The following SNED1 variants were observed in gnomAD, a reference collection of about 807,000 sequenced individuals.
SNED1 encodes sushi, nidogen and EGF-like domain-containing protein 1.
Under a neutral mutation model 166.7 loss-of-function variants are expected in SNED1, and 81 were observed. The observed-to-expected ratio is 0.49, with a 90% CI of 0.41 to 0.58. The LOEUF (loss-of-function observed/expected upper bound fraction) is 0.58, where lower values mean the gene tolerates loss of function less well. SNED1 is among the 20% of genes least tolerant of loss of function. The pLI, the probability that SNED1 is intolerant of heterozygous loss-of-function variation, is 0.00. For synonymous variants in SNED1, 762 were observed against 822.0 expected, an observed-to-expected ratio of 0.93 and a Z score of 1.25; for missense variants, 1,604 against 2,000.2, an observed-to-expected ratio of 0.80 and a Z score of 3.78.
rs552459334 is a variant in SNED1, at chr2:241,013,621, G to A, written c.213+14571G>A. On this transcript the variant is annotated intron_variant, in intron 1 of 31. Transcript: ENST00000310397. This position sits in a 1 kb window ranked among gnomAD's most constrained non-coding sequence, Gnocchi z 4.6. ...TCCCAAAGTGCTGGGGGTTATAGGC[G>A]TGAACCACCACACCTGGCTGAGTTC... Among the ~76,000 whole-genome samples, 8 of 152,164 alleles carry A rather than the reference G, an allele frequency of 5.3e-5. No homozygotes were observed. The highest frequency in any genetic ancestry group is 1.0e-4 in the Non-Finnish European group (7 of 67,998).
chr2:241,082,433 C>T, intron 29 of SNED1, 69 bp downstream of exon 29: 1 of 1,207,646 alleles, frequency 8.3e-7, no homozygotes, highest in South Asian at 1.3e-5. Context: ...AGTGCTGTCT[C>T]AAAGCTACCC....
At chr2:241,033,682 T>A in intron 2 of SNED1, 53 bp from the exon 3 acceptor site, 1 of 1,566,234 alleles carries the variant, frequency 6.4e-7, no homozygotes, top group South Asian at 1.2e-5. Context: ...AGGGCAGGGC[T>A]TCCCTGGGCC....
At chr2:241,072,382 T>C in intron 26 of SNED1, 1 of 366,080 alleles carries the variant, frequency 2.7e-6, no homozygotes, top group Non-Finnish European at 5.4e-6. Context: ...TGAGTGCCGC[T>C]CTGGGAATCT....
At chr2:241,054,249 C>G (rs983955774) in intron 16 of SNED1, among the ~76,000 whole-genome samples, 2 of 152,136 alleles carry the variant, frequency 1.3e-5, no homozygotes, top group African/African-American at 4.8e-5. Flanking sequence ...TATGAGCAAC[C>G]AGCCAGGATA....
chr2:241,077,048 C>T (rs1290869273), intron 27 of SNED1, among the ~76,000 whole-genome samples: 1 of 150,012 alleles, frequency 6.7e-6, no homozygotes, highest in Non-Finnish European at 1.5e-5. Flanking sequence ...CACTGCACTC[C>T]AGCCTGGGCG....
chr2:241,017,035 G>A (rs559846318), intron 1 of SNED1, among the ~76,000 whole-genome samples: 3 of 152,046 alleles, frequency 2.0e-5, no homozygotes, highest in African/African-American at 4.8e-5. Flanking sequence ...ATTTTTAGTA[G>A]AGACGGGGTT....
Position 241,067,759 on chromosome 2 carries a change from C to G in SNED1, c.3011-5C>G, listed in dbSNP as rs776034276. On this transcript the variant is annotated splice_polypyrimidine_tract_variant and splice_region_variant and intron_variant, in intron 21 of 31. Transcript: ENST00000310397. Reference sequence around the variant, plus strand: ...GGCACCTGCTGAACAGTCCATTCCCCCTAGGACCCCGCCCTGTGGAAGGCT... The same window carrying G: ...GGCACCTGCTGAACAGTCCATTCCCGCTAGGACCCCGCCCTGTGGAAGGCT... The G allele has an allele frequency of 7.5e-6, 12 of 1,601,946 alleles. No individual in the cohort carries two copies. The highest frequency in any genetic ancestry group is 9.4e-6 in the Non-Finnish European group (11 of 1,170,860).
chr2:241,014,451 C>A (rs765261306), intron 1 of SNED1, among the ~76,000 whole-genome samples: 1 of 152,190 alleles, frequency 6.6e-6, no homozygotes, highest in Admixed American at 6.5e-5. Flanking sequence ...CCCCGGCCGA[C>A]GCTTCTGCAA....
chr2:241,038,995 G>T (rs1316882373), intron 6 of SNED1, among the ~76,000 whole-genome samples: 1 of 152,360 alleles, frequency 6.6e-6, no homozygotes, highest in African/African-American at 2.4e-5. Flanking sequence ...CAGGAGGCTG[G>T]TTCAGGTCTT....
chr2:241,054,000 G>A (rs2061962666), intron 16 of SNED1, among the ~76,000 whole-genome samples: 1 of 152,226 alleles, frequency 6.6e-6, no homozygotes, highest in Non-Finnish European at 1.5e-5. Flanking sequence ...ACAGCACCCA[G>A]ATTTGAGTGG....
chr2:241,003,836 C>T (rs6735450), intron 1 of SNED1, among the ~76,000 whole-genome samples: 12,122 of 152,286 alleles, frequency 0.08, 605 homozygotes, highest in Non-Finnish European at 0.11. Flanking sequence ...TGATGGGCCA[C>T]GAGAAGCCAT....
At chr2:241,004,525 G>A (rs2060164137) in intron 1 of SNED1, among the ~76,000 whole-genome samples, 1 of 141,460 alleles carries the variant, frequency 7.1e-6, no homozygotes, top group African/African-American at 2.6e-5. Context: ...CTACACCTCT[G>A]ATTTTATTTT....
chr2:241,065,342 G>A lies in SNED1; in HGVS notation c.2757G>A (p.Glu919=), dbSNP rs777394066. 1.1e-5 allele frequency: 17 copies of A among 1,612,902 alleles called. No individual in the cohort carries two copies. In the African/African-American group the frequency reaches 1.7e-4, roughly 16 times the overall value. The part of the protein sequence containing the change: ...PTALKMERVE[E]SGVSISWNPP... ...CCCTCAAGATGGAGAGAGTGGAGGA[G>A]AGTGGGGTCTCTATCTCCTGGAACC... Residue 919 remains glutamate, a synonymous_variant, in exon 21 of 32, where the codon GAG becomes GAA. Transcript: ENST00000310397.
chr2:241,066,472 G>A (rs2062454938), intron 21 of SNED1, among the ~76,000 whole-genome samples: 1 of 152,216 alleles, frequency 6.6e-6, no homozygotes, highest in Non-Finnish European at 1.5e-5. Context: ...AGGCTGGGCA[G>A]GAACCAAGTG....
At chr2:241,019,299 G>A (rs1002508065) in intron 1 of SNED1, among the ~76,000 whole-genome samples, 1 of 152,216 alleles carries the variant, frequency 6.6e-6, no homozygotes, top group Non-Finnish European at 1.5e-5. Flanking sequence ...GGATGGGAGG[G>A]ATCCTGGAAT....
chr2:241,074,602 G>A (rs1450405301), intron 27 of SNED1: 1 of 152,168 alleles, frequency 6.6e-6, no homozygotes, highest in Non-Finnish European at 1.5e-5. Context: ...TGGCCCTGAG[G>A]TCACCACGGT....
At chr2:241,072,422 A>T (rs2062777639) in intron 26 of SNED1, 1 of 360,434 alleles carries the variant, frequency 2.8e-6, no homozygotes, top group South Asian at 2.1e-5. Flanking sequence ...AAGCCCTGAG[A>T]CATGTTGGCA....
At position 241,048,400 on chromosome 2, in the gene SNED1, C is replaced by T; in HGVS notation, c.1359C>T (p.Cys453=). 1 of 1,611,338 alleles carries T rather than the reference C, an allele frequency of 6.2e-7. No individual in the cohort carries two copies. Among genetic ancestry groups the T allele is most frequent in the Non-Finnish European group, 8.5e-7 (1 of 1,178,946 alleles). The change falls in exon 9 of 32, where the codon TGC becomes TGT. Residue 453 remains cysteine (C), a synonymous_variant. Transcript: ENST00000310397. ...TCVDADQGYV[C]ECPEGFMGLD... is the part of the protein sequence containing the mutation. ...TGGATGCGGACCAGGGCTACGTGTG[C>T]GAGTGCCCCGAAGGCTTCATGGGCC...
chr2:241,034,785 T>C lies in SNED1; in HGVS notation c.805+55T>C, dbSNP rs1008412377. 8 of 1,476,944 alleles carry C rather than the reference T, an allele frequency of 5.4e-6. No homozygotes were observed. In the African/African-American group the frequency reaches 9.8e-5, roughly 18 times the overall value. The allele number at this position is 1,476,944 out of a possible 1,614,324, so 91.5% of individuals were successfully genotyped here. ...GGAGCGGGCTGAGGAAGGGGGTTGA[T>C]GGCAGAGGAGAGGTGGAGACGAAGG... On this transcript the variant is annotated intron_variant, in intron 4 of 31. Transcript: ENST00000310397.
Sources: allele counts gnomAD v4.1 joint callset (sites outside exome capture counted in the v4.1 genomes callset), GRCh38; gene constraint gnomAD v4.1.1; non-coding constraint Gnocchi (gnomAD v3.1); transcripts MANE v1.5; gene names NCBI Gene and HGNC (gene_info 2026-07-23, HGNC 2026-07-21).